CNTNAP4: variants seen among roughly 807,000 people sequenced by gnomAD.
The protein encoded by CNTNAP4 is contactin-associated protein-like 4.
In CNTNAP4, 98 loss-of-function variants were observed where a neutral mutation model predicts 148.4. That is an observed-to-expected ratio of 0.66 (90% CI 0.56 to 0.78). The LOEUF (loss-of-function observed/expected upper bound fraction) is 0.78, where lower values mean the gene tolerates loss of function less well. Among genes scored for constraint, CNTNAP4 ranks in the 30% least tolerant of loss-of-function variants. The pLI is 0.00. For synonymous variants in CNTNAP4, 730 were observed against 565.1 expected (o/e 1.29, Z -4.14); for missense variants, 1,935 against 1,565.6 (o/e 1.24, Z -3.98).
At chr16:76,285,759 G>A (rs943554865) in intron 1 of CNTNAP4, among the ~76,000 whole-genome samples, 4 of 151,660 alleles carry the variant, frequency 2.6e-5, no homozygotes, top group Admixed American at 6.6e-5. Context: ...TATGACCTAC[G>A]GAAGTATTTT....
At chr16:76,526,756 C>T (rs1395819986) in intron 17 of CNTNAP4, among the ~76,000 whole-genome samples, 1 of 152,136 alleles carries the variant, frequency 6.6e-6, no homozygotes, top group Non-Finnish European at 1.5e-5. Context: ...TAACTGCATC[C>T]TTGATCTCCT....
intron 15 of CNTNAP4, among the ~76,000 whole-genome samples, chr16:76,515,124 A>C (rs1360860623): frequency 6.6e-6 from 1 of 152,196 alleles, no homozygotes; most frequent in African/African-American, 2.4e-5. Flanking sequence ...ACTTTGTGAA[A>C]GCTTGCATGA....
intron 10 of CNTNAP4, among the ~76,000 whole-genome samples, chr16:76,473,618 C>CA (rs34712426): frequency 1.3e-5 from 2 of 152,016 alleles, no homozygotes; most frequent in South Asian, 4.2e-4. Context: ...CTAAAAAATA[C>CA]AAAAAATTAG....
At chr16:76,540,118 G>A (rs2084386439) in intron 20 of CNTNAP4, among the ~76,000 whole-genome samples, 1 of 152,052 alleles carries the variant, frequency 6.6e-6, no homozygotes, top group African/African-American at 2.4e-5. Flanking sequence ...GCTACTGGTA[G>A]GACCATTGCT....
intron 4 of CNTNAP4, among the ~76,000 whole-genome samples, chr16:76,444,835 C>T (rs918970577): frequency 6.6e-6 from 1 of 151,918 alleles, no homozygotes; most frequent in Non-Finnish European, 1.5e-5. Context: ...ATAATGTACT[C>T]GCATTGTGAA....
At chr16:76,482,032 T>C (rs942881284) in intron 12 of CNTNAP4, among the ~76,000 whole-genome samples, 1 of 151,850 alleles carries the variant, frequency 6.6e-6, no homozygotes, top group Admixed American at 6.6e-5. Context: ...ATTTTTATTA[T>C]ACTGTAGTTT....
In CNTNAP4 at chr16:76,521,233, T is replaced by G. The variant is rs1388448339; in HGVS notation, c.2459T>G (p.Phe820Cys). 1 of 1,612,896 alleles carries G rather than the reference T, an allele frequency of 6.2e-7. No homozygotes were observed. The highest frequency in any genetic ancestry group is 2.2e-5 in the East Asian group (1 of 44,784). Residue 820 changes from phenylalanine to cysteine, a missense_variant, in exon 16 of 24, where the codon TTT (phenylalanine) becomes TGT (cysteine). By Grantham distance (205) the Phe-to-Cys change is radical. Transcript: ENST00000611870. ...HGELSADVSF[F>C]FKTTASSGVF... Reference sequence around the variant, plus strand: ...GAACTTAGCGCGGATGTATCTTTCTTTTTTAAGACAACAGCTTCATCTGGG... The same window carrying G: ...GAACTTAGCGCGGATGTATCTTTCTGTTTTAAGACAACAGCTTCATCTGGG...
intron 3 of CNTNAP4, among the ~76,000 whole-genome samples, chr16:76,420,515 C>A (rs78239700): frequency 1.2e-4 from 18 of 151,834 alleles, no homozygotes; most frequent in African/African-American, 3.1e-4. Context: ...AATCTCCGTG[C>A]GGGGCTGTCC....
chr16:76,439,395 T>C (rs2079954537), intron 4 of CNTNAP4, among the ~76,000 whole-genome samples: 1 of 152,190 alleles, frequency 6.6e-6, no homozygotes, highest in South Asian at 2.1e-4. Context: ...ATATTTCCAT[T>C]TGATCCCTCT....
intron 3 of CNTNAP4, among the ~76,000 whole-genome samples, chr16:76,411,525 G>C (rs2078791299): frequency 6.6e-6 from 1 of 151,272 alleles, no homozygotes; most frequent in South Asian, 2.1e-4. Flanking sequence ...GGTAAAATGA[G>C]AGATGCTAAT....
At chr16:76,362,519 A>G (rs770314526) in intron 3 of CNTNAP4, among the ~76,000 whole-genome samples, 20 of 152,240 alleles carry the variant, frequency 1.3e-4, no homozygotes, top group African/African-American at 2.2e-4. Context: ...ATTTCAAAAT[A>G]TATTACAAAG....
intron 1 of CNTNAP4, among the ~76,000 whole-genome samples, chr16:76,289,035 C>T (rs1212009851): frequency 6.6e-6 from 1 of 151,810 alleles, no homozygotes; most frequent in Non-Finnish European, 1.5e-5. Context: ...CTTACTATTT[C>T]TCACTATCTC....
At chr16:76,406,489 A>G (rs75896748) in intron 3 of CNTNAP4, among the ~76,000 whole-genome samples, 2,261 of 152,276 alleles carry the variant, frequency 0.015, 38 homozygotes, top group African/African-American at 0.046. Context: ...GTCAAAAACT[A>G]GAAATGACTG....
chr16:76,456,119 T>A (rs1398661986), intron 8 of CNTNAP4, among the ~76,000 whole-genome samples: 1 of 152,188 alleles, frequency 6.6e-6, no homozygotes, highest in East Asian at 1.9e-4. Flanking sequence ...CCAATTGGCA[T>A]TGTCAATGTT....
intron 1 of CNTNAP4, among the ~76,000 whole-genome samples, chr16:76,305,225 C>T (rs1218181961): frequency 6.6e-6 from 1 of 152,088 alleles, no homozygotes; most frequent in Non-Finnish European, 1.5e-5. Context: ...TTTCAATTTT[C>T]TCTATGTCTG....
At chr16:76,541,133 A>G (rs1371440507) in intron 21 of CNTNAP4, among the ~76,000 whole-genome samples, 1 of 152,262 alleles carries the variant, frequency 6.6e-6, no homozygotes, top group East Asian at 1.9e-4. Context: ...CCAAATATAC[A>G]AACTTTCCTC....
intron 1 of CNTNAP4, among the ~76,000 whole-genome samples, chr16:76,284,954 T>C (rs1361821088): frequency 6.6e-6 from 1 of 152,032 alleles, no homozygotes; most frequent in East Asian, 1.9e-4. Context: ...AGGACAAAGA[T>C]TTTTTCCAAA....
Position 76,452,707 on chromosome 16 carries a change from G to A in CNTNAP4, c.1271G>A (p.Ser424Asn), listed in dbSNP as rs1036776208. The part of the protein sequence containing the change: ...LISGGILLFL[S>N]DGKLKSNLYQ... ...TCAGGGGGTATCCTCCTCTTTCTGA[G>A]TGATGGAAAACTTAAGTCGAATCTC... Residue 424 changes from serine (S) to asparagine (N), a missense_variant, in exon 8 of 24, where the codon AGT (serine) becomes AAT (asparagine). By Grantham distance (46) the Ser-to-Asn change is conservative. Transcript: ENST00000611870. 1.2e-6 allele frequency: 2 copies of A among 1,611,966 alleles called. No individual in the cohort carries two copies. Among genetic ancestry groups the A allele is most frequent in the Non-Finnish European group, 1.7e-6 (2 of 1,178,782 alleles).
rs763521985 is a variant in CNTNAP4, at chr16:76,303,974, AACTTTTATTCAGTTC to A, written c.86-12408_86-12394del. 3.2e-4 allele frequency among the ~76,000 whole-genome samples: 49 copies of A among 152,266 alleles called. 1 individual carries two copies. Among genetic ancestry groups the A allele is most frequent in the South Asian group, 6.2e-4 (3 of 4,824 alleles). ...AAGATTTTGTAAGACATATCTACAAAACTTTTATTCAGTTCACTTTTATTCAGTTCACTTTTATTC... is the reference window on the plus strand; with the variant it reads ...AAGATTTTGTAAGACATATCTACAAAACTTTTATTCAGTTCACTTTTATTC... On this transcript the variant is annotated intron_variant, in intron 1 of 23. Transcript: ENST00000611870.
Sources: gnomAD v4.1 joint callset for allele counts (sites outside exome capture counted in the v4.1 genomes callset) on GRCh38, gnomAD v4.1.1 for gene constraint, MANE v1.5 for transcripts, NCBI Gene and HGNC (gene_info 2026-07-23, HGNC 2026-07-21) for gene names.